The following FAM53A variants were observed in gnomAD, a reference collection of about 807,000 sequenced individuals.
FAM53A encodes family with sequence similarity 53 member A.
FAM53A carries 28 observed loss-of-function variants against 26.6 expected under a neutral mutation model. That is an observed-to-expected ratio of 1.05 (90% CI 0.78 to 1.45). The LOEUF (loss-of-function observed/expected upper bound fraction) is 1.45. FAM53A is among the 40% of genes most tolerant of loss of function. FAM53A has a pLI of 0.00. For missense variants in FAM53A, 650 were observed against 575.8 expected (o/e 1.13, Z -1.32); for synonymous variants, 290 against 253.1 (o/e 1.15, Z -1.38).
chr4:1,593,187 C>T, the FAM53A span, among the ~76,000 whole-genome samples: 2 of 152,210 alleles, frequency 1.3e-5, no homozygotes, highest in Admixed American at 6.5e-5. Flanking sequence ...TGAGCCTTCC[C>T]GACACCGGCC....
chr4:1,654,190 G>A (rs1713118725), intron 4 of FAM53A, among the ~76,000 whole-genome samples: 2 of 152,186 alleles, frequency 1.3e-5, no homozygotes, highest in Middle Eastern at 3.2e-3. Context: ...ACTGCCCAAA[G>A]CTTCCCCGAC....
chr4:1,610,979 C>A, the FAM53A span, among the ~76,000 whole-genome samples: 3 of 152,224 alleles, frequency 2.0e-5, no homozygotes, highest in African/African-American at 4.8e-5. Context: ...CAGGGCACAG[C>A]CCTGCCACTG....
chr4:1,624,821 C>T (rs1025129759), intron 1 of FAM53A, among the ~76,000 whole-genome samples: 14 of 152,270 alleles, frequency 9.2e-5, no homozygotes, highest in Admixed American at 8.5e-4. Flanking sequence ...GGAAGAACCA[C>T]TCAAGGACCC....
chr4:1,651,882 C>T (rs559539636), intron 4 of FAM53A, among the ~76,000 whole-genome samples: 3 of 152,064 alleles, frequency 2.0e-5, no homozygotes, highest in East Asian at 1.9e-4. Context: ...CTAGGGGTCA[C>T]GGCTCCAGTT....
intron 4 of FAM53A, among the ~76,000 whole-genome samples, chr4:1,650,700 T>C (rs1712701281): frequency 6.6e-6 from 1 of 151,074 alleles, no homozygotes; most frequent in Non-Finnish European, 1.5e-5. Flanking sequence ...TTCACCATGT[T>C]GGCCAGGCTG....
the FAM53A span, among the ~76,000 whole-genome samples, chr4:1,579,247 G>GCCCCGGCCCCCGGC: frequency 2.1e-5 from 3 of 145,614 alleles, no homozygotes; most frequent in African/African-American, 5.1e-5. Flanking sequence ...CCCAGCCAGA[G>GCCCCGGCCCCCGGC]CCCCGGCCCC....
At position 1,659,805 on chromosome 4, in the gene FAM53A, A is replaced by C. The variant is rs1276035405; in HGVS notation, c.76-2337T>G. Among the ~76,000 whole-genome samples, 1 of 152,154 alleles carries C rather than the reference A, an allele frequency of 6.6e-6. No homozygotes were observed. The highest frequency in any genetic ancestry group is 1.9e-4 in the East Asian group (1 of 5,198). ...ACGGCTCTTCCGGTTGTATCTATGC[A>C]TGGTCGAAGGGGCTGGCTTCCTCTC... On this transcript the variant is annotated intron_variant, in intron 2 of 4. Transcript: ENST00000308132. This position sits in a 1 kb window ranked among gnomAD's most constrained non-coding sequence, Gnocchi z 5.2.
chr4:1,614,008 G>A (rs1211005624), downstream of FAM53A, among the ~76,000 whole-genome samples: 1 of 152,212 alleles, frequency 6.6e-6, no homozygotes, highest in Admixed American at 6.5e-5. Context: ...AAGACTCGGC[G>A]ATTCTCAGGA....
At chr4:1,663,656 A>C (rs1025956863) in intron 2 of FAM53A, among the ~76,000 whole-genome samples, 1 of 152,106 alleles carries the variant, frequency 6.6e-6, no homozygotes, top group African/African-American at 2.4e-5. Flanking sequence ...CAAGTGAGAA[A>C]CAGCATTATG....
At chr4:1,643,278 A>G (rs1345651007) in intron 4 of FAM53A, among the ~76,000 whole-genome samples, 1 of 152,052 alleles carries the variant, frequency 6.6e-6, no homozygotes, top group African/African-American at 2.4e-5. Flanking sequence ...CATCCTGGCT[A>G]ACACGGTGAA....
At chr4:1,623,527 A>G (rs4865447) in intron 1 of FAM53A, among the ~76,000 whole-genome samples, 67,183 of 152,164 alleles carry the variant, frequency 0.44, 16,117 homozygotes, top group African/African-American at 0.62. Context: ...CACCCGCTGC[A>G]GGGCTGCCCG....
At chr4:1,601,074 C>G in the FAM53A span, among the ~76,000 whole-genome samples, 1 of 152,102 alleles carries the variant, frequency 6.6e-6, no homozygotes, top group South Asian at 2.1e-4. Flanking sequence ...CTCAAGAGCC[C>G]TCCTGCCCAG....
downstream of FAM53A, among the ~76,000 whole-genome samples, chr4:1,637,457 T>C (rs937320954): frequency 1.3e-5 from 2 of 152,076 alleles, no homozygotes; most frequent in African/African-American, 4.8e-5. Context: ...TGGAGACGTA[T>C]TCAGGAGAAG....
chr4:1,650,388 T>TGC (rs1712670256), intron 4 of FAM53A, among the ~76,000 whole-genome samples: 1 of 113,484 alleles, frequency 8.8e-6, no homozygotes, highest in Non-Finnish European at 1.8e-5. Flanking sequence ...GTGGTGTTTG[T>TGC]GAGGTGGCAT....
the FAM53A span, among the ~76,000 whole-genome samples, chr4:1,603,943 G>A: frequency 6.6e-6 from 1 of 152,198 alleles, no homozygotes; most frequent in Non-Finnish European, 1.5e-5. Flanking sequence ...GCCACCTTGG[G>A]CCAGCCAGGT....
chr4:1,648,862 C>T (rs1712479858), intron 4 of FAM53A, among the ~76,000 whole-genome samples: 1 of 152,204 alleles, frequency 6.6e-6, no homozygotes, highest in South Asian at 2.1e-4. Context: ...CCTGTAATCC[C>T]AGCACTTTGT....
At position 1,630,455 on chromosome 4, in the gene FAM53A, C is replaced by A. The variant is rs896295533; in HGVS notation, c.432-12344G>T. 1.3e-5 allele frequency among the ~76,000 whole-genome samples: 2 copies of A among 152,230 alleles called. No homozygotes were observed. Among genetic ancestry groups the A allele is most frequent in the African/African-American group, 4.8e-5 (2 of 41,452 alleles). ...GCGTCTGTATGTGGCCAGTGGGCCG[C>A]GGTTTGCCGACCCCCAACTCATGGA... On this transcript the variant is annotated intron_variant, in intron 1 of 1. Transcript: ENST00000489029. The surrounding 1 kb of genome is among the most constrained non-coding windows in gnomAD (Gnocchi z 4.3).
intron 1 of FAM53A, among the ~76,000 whole-genome samples, chr4:1,622,070 C>T (rs899429149): frequency 1.2e-4 from 19 of 152,164 alleles, no homozygotes; most frequent in Admixed American, 1.0e-3. Context: ...TGCCACCTGA[C>T]GACACAGCAA....
chr4:1,599,274 G>A, the FAM53A span, among the ~76,000 whole-genome samples: 1 of 49,410 alleles, frequency 2.0e-5, no homozygotes, highest in Non-Finnish European at 6.8e-5. The surrounding 1 kb of genome is among the most constrained non-coding windows in gnomAD (Gnocchi z 6.1). Context: ...GAGGCCAGGG[G>A]ATCCAGGGTG....
Sources: gnomAD v4.1 joint callset for allele counts (sites outside exome capture counted in the v4.1 genomes callset) on GRCh38, gnomAD v4.1.1 for gene constraint, Gnocchi (gnomAD v3.1) non-coding constraint, MANE v1.5 for transcripts, NCBI Gene and HGNC (gene_info 2026-07-23, HGNC 2026-07-21) for gene names.